DHX16: variants seen among roughly 807,000 people sequenced by gnomAD.
DHX16 encodes DEAH-box helicase 16.
A neutral mutation model predicts 131.2 loss-of-function variants in DHX16; 81 were observed. The ratio of observed to expected loss-of-function variants is 0.62; its 90% confidence interval spans 0.52 to 0.74. The LOEUF (loss-of-function observed/expected upper bound fraction) is 0.74. Ranked by LOEUF, DHX16 falls within the 30% of genes least tolerant of loss-of-function variation. DHX16 has a pLI of 0.00. For synonymous variants in DHX16, 440 were observed against 520.2 expected, an observed-to-expected ratio of 0.85 and a Z score of 2.10; for missense variants, 980 against 1,363.1, an observed-to-expected ratio of 0.72 and a Z score of 4.43.
intron 4 of DHX16, among the ~76,000 whole-genome samples, chr6:30,668,058 G>A (rs968569278): frequency 2.6e-5 from 4 of 152,194 alleles, no homozygotes; most frequent in African/African-American, 7.2e-5. Flanking sequence ...ATTGTAGAGA[G>A]ATCTTAGTCG....
chr6:30,659,628 G>T lies in DHX16; in HGVS notation c.1855-4C>A. ...CACAGGCAGCCTCAATCTCCTCCTG[G>T]ATAGAGGGTAGGGAGAGCAGCAGGG... On this transcript the variant is annotated splice_region_variant and splice_polypyrimidine_tract_variant and intron_variant, in intron 11 of 19. Transcript: ENST00000376442. The T allele has an allele frequency of 6.2e-7, 1 of 1,613,960 alleles. No homozygotes were observed.
At chr6:30,661,065 T>C (rs1270930146) in intron 9 of DHX16, among the ~76,000 whole-genome samples, 1 of 150,192 alleles carries the variant, frequency 6.7e-6, no homozygotes, top group Non-Finnish European at 1.5e-5. Context: ...GCCTGGCTAA[T>C]TTTTTGTATT....
At position 30,662,662 on chromosome 6, in the gene DHX16, C is replaced by A. The variant is rs1320083611; in HGVS notation, c.1509G>T (p.Arg503=). ...LRYMTDGMLL[R]EFLSEPDLAS... The stretch of plus-strand genomic sequence containing the variant: ...CCAGGTCAGGCTCAGAGAGGAACTC[C>A]CGGAGAAGCATCCCATCTGTCATGT... The change falls in exon 9 of 20, where the codon CGG becomes CGT. Residue 503 remains arginine (R), a synonymous_variant. Transcript: ENST00000376442. The surrounding 1 kb of genome is among the most constrained non-coding windows in gnomAD (Gnocchi z 4.7). The A allele has an allele frequency of 2.5e-6, 4 of 1,612,968 alleles. No individual in the cohort carries two copies. The African/African-American group carries it at 5.3e-5, about 22-fold the overall frequency.
chr6:30,672,915 T>C lies in DHX16; in HGVS notation c.-74A>G. On this transcript the variant is annotated 5_prime_UTR_variant, in exon 1 of 20. Coordinates refer to ENST00000376442, the MANE Select transcript of DHX16 (RefSeq NM_003587.5). ...CTCACTGCTGGGCCGGTCAGAGGCCTGGAGCCCTCGGCTGGAGCCTCAGCT... is the reference window on the plus strand; with the variant it reads ...CTCACTGCTGGGCCGGTCAGAGGCCCGGAGCCCTCGGCTGGAGCCTCAGCT... The C allele has an allele frequency of 5.7e-6, 9 of 1,587,144 alleles. No individual in the cohort carries two copies. The highest frequency in any genetic ancestry group is 7.7e-6 in the Non-Finnish European group (9 of 1,167,124).
At position 30,662,407 on chromosome 6, in the gene DHX16, T is replaced by C. The variant is rs1254509169; in HGVS notation, c.1544+220A>G. ...ATTTCAAGTCTCGGCAGCAATGCTC[T>C]GCTATCCTGGTTGTTTTCTAAACCC... On this transcript the variant is annotated intron_variant, in intron 9 of 19. Coordinates refer to ENST00000376442, the MANE Select transcript of DHX16 (RefSeq NM_003587.5). This position sits in a 1 kb window ranked among gnomAD's most constrained non-coding sequence, Gnocchi z 4.7. Among the ~76,000 whole-genome samples the C allele has an allele frequency of 2.0e-5, 3 of 152,220 alleles. No homozygotes were observed. The highest frequency in any genetic ancestry group is 4.4e-5 in the Non-Finnish European group (3 of 68,040).
intron 7 of DHX16, among the ~76,000 whole-genome samples, chr6:30,663,791 C>G (rs1022859952): frequency 6.6e-6 from 1 of 151,050 alleles, no homozygotes; most frequent in African/African-American, 2.4e-5. Context: ...CTTTGGGAGG[C>G]TGAGGTGGGC....
intron 19 of DHX16, 130 bp from the exon 20 acceptor site, chr6:30,653,500 T>C (rs975063561): frequency 1.6e-5 from 17 of 1,066,108 alleles, no homozygotes; most frequent in Non-Finnish European, 2.2e-5. Flanking sequence ...TGGCGTATCA[T>C]GGCTCAAAGC....
chr6:30,656,274 AAGAG>A lies in DHX16; in HGVS notation c.2431-13_2431-10del, dbSNP rs748417415. 6.2e-7 allele frequency: 1 copy of A among 1,613,668 alleles called. No homozygotes were observed. Among genetic ancestry groups the A allele is most frequent in the Non-Finnish European group, 8.5e-7 (1 of 1,179,862 alleles). On this transcript the variant is annotated splice_polypyrimidine_tract_variant and intron_variant, in intron 15 of 19. Coordinates refer to ENST00000376442, the MANE Select transcript of DHX16 (RefSeq NM_003587.5). The surrounding 1 kb of genome is among the most constrained non-coding windows in gnomAD (Gnocchi z 5.1). ...GCCATCTTTCGACCAGACTAAGGAG[AAGAG>A]AGAGAGAGTTGAGCCCAGTCCTCCC...
At position 30,670,959 on chromosome 6, in the gene DHX16, C is replaced by A; in HGVS notation, c.447-7G>T. 2 of 1,613,076 alleles carry A rather than the reference C, an allele frequency of 1.2e-6. No individual in the cohort carries two copies. The highest frequency in any genetic ancestry group is 1.7e-6 in the Non-Finnish European group (2 of 1,180,012). Reference sequence around the variant, plus strand: ...TGTCTGCTGTTTACTCCCCCTGCAGCCCATCCAGGGGATTAAATAAGGGCA... The same window carrying A: ...TGTCTGCTGTTTACTCCCCCTGCAGACCATCCAGGGGATTAAATAAGGGCA... On this transcript the variant is annotated splice_polypyrimidine_tract_variant and splice_region_variant and intron_variant, in intron 2 of 19. Coordinates refer to ENST00000376442, the MANE Select transcript of DHX16 (RefSeq NM_003587.5). The surrounding 1 kb of genome is among the most constrained non-coding windows in gnomAD (Gnocchi z 4.4).
chr6:30,665,834 A>G lies in DHX16; in HGVS notation c.667-101T>C, dbSNP rs1768997651. On this transcript the variant is annotated intron_variant, in intron 4 of 19. Transcript: ENST00000376442. The surrounding 1 kb of genome is among the most constrained non-coding windows in gnomAD (Gnocchi z 4.8). ...AAAAATCCCCTGACAGGCAGGCATG[A>G]GAACCTCAGGATGCACCCTCTACCT... 17 of 1,466,046 alleles carry G rather than the reference A, an allele frequency of 1.2e-5. No individual in the cohort carries two copies. The highest frequency in any genetic ancestry group is 1.4e-5 in the Non-Finnish European group (15 of 1,097,588). The allele number at this position is 1,466,046 out of a possible 1,614,324, so 90.8% of individuals were successfully genotyped here.
intron 4 of DHX16, among the ~76,000 whole-genome samples, chr6:30,668,543 C>T (rs548235066): frequency 6.6e-6 from 1 of 152,038 alleles, no homozygotes; most frequent in African/African-American, 2.4e-5. Flanking sequence ...CCCAGCTGCT[C>T]GGGAGGTTGA....
intron 19 of DHX16, 149 bp downstream of exon 19, chr6:30,654,557 A>G (rs1767777420): frequency 1.2e-5 from 10 of 818,388 alleles, no homozygotes; most frequent in Non-Finnish European, 1.8e-5. Context: ...CTCAAAAAAA[A>G]CAAAAAAAAA....
intron 7 of DHX16, among the ~76,000 whole-genome samples, chr6:30,664,562 G>A (rs1024557848): frequency 6.6e-6 from 1 of 151,862 alleles, no homozygotes; most frequent in African/African-American, 2.4e-5. Context: ...GCATAGGGAG[G>A]TCCACATTTA....
intron 12 of DHX16, 77 bp from the exon 13 acceptor site, chr6:30,657,169 G>T: frequency 1.4e-6 from 2 of 1,481,060 alleles, no homozygotes; most frequent in South Asian, 2.6e-5. Flanking sequence ...GGAAAGTTAG[G>T]AGTAGTGAAG....
In DHX16 at chr6:30,665,854, C is replaced by A; in HGVS notation, c.667-121G>T. ...GCATGAGAACCTCAGGATGCACCCT[C>A]TACCTTCCCTCTGCAATGCACAACC... On this transcript the variant is annotated intron_variant, in intron 4 of 19. Coordinates refer to ENST00000376442, the MANE Select transcript of DHX16 (RefSeq NM_003587.5). This position sits in a 1 kb window ranked among gnomAD's most constrained non-coding sequence, Gnocchi z 4.8. 7.8e-7 allele frequency: 1 copy of A among 1,288,296 alleles called. No individual in the cohort carries two copies. The allele number at this position is 1,288,296 out of a possible 1,614,324, so 79.8% of individuals were successfully genotyped here.
Position 30,672,681 on chromosome 6 carries a change from T to C in DHX16, c.161A>G (p.Asp54Gly). 6.2e-7 allele frequency: 1 copy of C among 1,612,730 alleles called. No individual in the cohort carries two copies. Among genetic ancestry groups the C allele is most frequent in the South Asian group, 1.1e-5 (1 of 91,078 alleles). ...VQRLRDTDTL[D>G]LSGPARDFAL... ...GAAGTCCCGGGCCGGCCCACTGAGA[T>C]CCAAGGTATCAGTGTCTCGTAGGCG... Residue 54 changes from aspartate (D) to glycine (G), a missense_variant, in exon 1 of 20, where the codon GAT becomes GGT. Coordinates refer to ENST00000376442, the MANE Select transcript of DHX16 (RefSeq NM_003587.5).
In DHX16 at chr6:30,659,637, T is replaced by C. The variant is rs777470524; in HGVS notation, c.1855-13A>G. 1.5e-5 allele frequency: 24 copies of C among 1,613,694 alleles called. No homozygotes were observed. Among genetic ancestry groups the C allele is most frequent in the Non-Finnish European group, 1.8e-5 (21 of 1,179,862 alleles). On this transcript the variant is annotated splice_polypyrimidine_tract_variant and intron_variant, in intron 11 of 19. Coordinates refer to ENST00000376442, the MANE Select transcript of DHX16 (RefSeq NM_003587.5). ...CCTCAATCTCCTCCTGGATAGAGGG[T>C]AGGGAGAGCAGCAGGGGTCCCAGAG...
chr6:30,664,779 C>T, intron 7 of DHX16, 22 bp downstream of exon 7: 3 of 1,597,058 alleles, frequency 1.9e-6, no homozygotes, highest in Non-Finnish European at 2.6e-6. Flanking sequence ...CCCTGGCAAG[C>T]TGAAGGGTGA....
chr6:30,661,839 C>T (rs370891308), intron 9 of DHX16: 14 of 717,902 alleles, frequency 2.0e-5, no homozygotes, highest in Non-Finnish European at 2.6e-5. Context: ...GACACTCTTG[C>T]GCTGGCTGGC....
Sources: gnomAD v4.1 joint callset for allele counts (sites outside exome capture counted in the v4.1 genomes callset) on GRCh38, gnomAD v4.1.1 for gene constraint, Gnocchi (gnomAD v3.1) non-coding constraint, MANE v1.5 for transcripts, NCBI Gene and HGNC (gene_info 2026-07-23, HGNC 2026-07-21) for gene names.